PRKN: variants seen among roughly 807,000 people sequenced by gnomAD.
PRKN encodes the protein E3 ubiquitin-protein ligase parkin.
PRKN carries 56 observed loss-of-function variants against 59.5 expected under a neutral mutation model. That is an observed-to-expected ratio of 0.94 (90% CI 0.76 to 1.18). PRKN has a LOEUF of 1.18. Ranked by LOEUF, PRKN falls within the 50% of genes most tolerant of loss-of-function variation. The pLI, the probability that PRKN is intolerant of heterozygous loss-of-function variation, is 0.00. For synonymous variants in PRKN, 250 were observed against 222.1 expected (o/e 1.13, Z -1.12); for missense variants, 657 against 596.4 (o/e 1.10, Z -1.06).
At chr6:162,409,580 T>C (rs991207556) in intron 2 of PRKN, among the ~76,000 whole-genome samples, 2 of 152,160 alleles carry the variant, frequency 1.3e-5, no homozygotes, top group Admixed American at 6.5e-5. Context: ...TATTAGCAAA[T>C]AGAATCATGA....
chr6:162,085,150 C>A (rs1036818511), intron 4 of PRKN, among the ~76,000 whole-genome samples: 1 of 148,714 alleles, frequency 6.7e-6, no homozygotes, highest in African/African-American at 2.5e-5. Flanking sequence ...ATGGGACATA[C>A]GAGATAGGCT....
intron 1 of PRKN, among the ~76,000 whole-genome samples, chr6:162,547,396 TATTTTACA>T (rs1252634221): frequency 3.3e-5 from 5 of 152,148 alleles, no homozygotes; most frequent in Non-Finnish European, 7.3e-5. Context: ...AAAATAACAA[TATTTTACA>T]TCCATATAGT....
At chr6:161,774,219 T>C (rs976492872) in intron 7 of PRKN, among the ~76,000 whole-genome samples, 4 of 152,120 alleles carry the variant, frequency 2.6e-5, no homozygotes, top group Non-Finnish European at 5.9e-5. Flanking sequence ...GTTGTTCCTG[T>C]TGCAAGCAGG....
At chr6:161,800,109 C>T (rs1317232918) in intron 6 of PRKN, among the ~76,000 whole-genome samples, 3 of 152,078 alleles carry the variant, frequency 2.0e-5, no homozygotes, top group African/African-American at 4.8e-5. Flanking sequence ...TTTAAAAAAT[C>T]ACTCTAACTT....
intron 1 of PRKN, among the ~76,000 whole-genome samples, chr6:162,705,136 A>G (rs1226830803): frequency 6.6e-6 from 1 of 152,188 alleles, no homozygotes; most frequent in East Asian, 1.9e-4. Context: ...ACTTTCCAAT[A>G]TCTATGATGG....
chr6:162,633,732 A>G (rs1420591703), intron 1 of PRKN, among the ~76,000 whole-genome samples: 4 of 151,962 alleles, frequency 2.6e-5, no homozygotes, highest in Non-Finnish European at 4.4e-5. Context: ...GGATGACAGA[A>G]TAACATGAGG....
At chr6:162,492,641 T>TA (rs1376149098) in intron 1 of PRKN, among the ~76,000 whole-genome samples, 3 of 151,224 alleles carry the variant, frequency 2.0e-5, no homozygotes. Context: ...CCCTCTCTAC[T>TA]AAAAAATACA....
intron 1 of PRKN, among the ~76,000 whole-genome samples, chr6:162,546,360 C>G (rs1200686034): frequency 4.6e-5 from 7 of 152,012 alleles, no homozygotes; most frequent in Non-Finnish European, 1.0e-4. Context: ...GCCTCGGTCT[C>G]CCAAAGTGCT....
At chr6:162,450,328 CGCCCCTGTG>C (rs1583592164) in intron 1 of PRKN, among the ~76,000 whole-genome samples, 12 of 95,630 alleles carry the variant, frequency 1.3e-4, no homozygotes, top group Middle Eastern at 5.7e-3. Context: ...TGAATGTAAA[CGCCCCTGTG>C]ATTGTAATCC....
At chr6:162,248,483 G>C (rs1421237486) in intron 3 of PRKN, among the ~76,000 whole-genome samples, 1 of 152,044 alleles carries the variant, frequency 6.6e-6, no homozygotes, top group Non-Finnish European at 1.5e-5. Flanking sequence ...ACAGGCCTGG[G>C]GTTGTATCTT....
In PRKN at chr6:161,453,115, C is replaced by T. The variant is rs117153519; in HGVS notation, c.1084-66238G>A. Among the ~76,000 whole-genome samples, 902 of 152,230 alleles carry T rather than the reference C, an allele frequency of 5.9e-3. 7 individuals carry two copies. The highest frequency in any genetic ancestry group is 0.01 in the Non-Finnish European group (682 of 68,030). Reference sequence around the variant, plus strand: ...TGCAAATTCTAAGGCCATTCATTCCCACAATCTATTTGATGAAAGTTTTTA... The same window carrying T: ...TGCAAATTCTAAGGCCATTCATTCCTACAATCTATTTGATGAAAGTTTTTA... On this transcript the variant is annotated intron_variant, in intron 9 of 11. Transcript: ENST00000366898.
At chr6:162,568,791 C>A in intron 1 of PRKN, 1 of 738,932 alleles carries the variant, frequency 1.4e-6, no homozygotes, top group Non-Finnish European at 2.5e-6. Flanking sequence ...GAAGCTGAAG[C>A]TAGAGGCAGA....
chr6:161,937,252 G>A (rs917663102), intron 6 of PRKN, among the ~76,000 whole-genome samples: 2 of 152,226 alleles, frequency 1.3e-5, no homozygotes, highest in African/African-American at 4.8e-5. Flanking sequence ...CAGAGATTAT[G>A]TTGAGAAATA....
rs1554298085 is a variant in PRKN at position 161,730,202 on chromosome 6, C to CTGA, written c.871+55569_871+55570insTCA. On this transcript the variant is annotated intron_variant, in intron 7 of 11. Coordinates refer to ENST00000366898, the MANE Select transcript of PRKN (RefSeq NM_004562.3). Reference sequence around the variant, plus strand: ...TGCATTCTGATGTGTTGCATTCTTTCTGTGTTGCATTCTGATGTGTTGCAT... The same window carrying CTGA: ...TGCATTCTGATGTGTTGCATTCTTTCTGATGTGTTGCATTCTGATGTGTTGCAT... 4.8e-5 allele frequency among the ~76,000 whole-genome samples: 7 copies of CTGA among 145,344 alleles called. No individual in the cohort carries two copies. The South Asian group carries it at 1.3e-3, about 27-fold the overall frequency.
At chr6:162,480,733 A>C (rs1346062193) in intron 1 of PRKN, among the ~76,000 whole-genome samples, 3 of 152,158 alleles carry the variant, frequency 2.0e-5, no homozygotes, top group Admixed American at 1.3e-4. Context: ...GAGGCCACCA[A>C]GTCATAAAGA....
chr6:162,099,227 A>G (rs1779868332), intron 4 of PRKN, among the ~76,000 whole-genome samples: 1 of 152,214 alleles, frequency 6.6e-6, no homozygotes, highest in Non-Finnish European at 1.5e-5. Flanking sequence ...CTTGGGATTA[A>G]GAGCTCTCTG....
chr6:162,126,312 AAC>A (rs1402583539), intron 4 of PRKN, among the ~76,000 whole-genome samples: 1 of 152,166 alleles, frequency 6.6e-6, no homozygotes, highest in African/African-American at 2.4e-5. Context: ...GTCATTTCTG[AAC>A]TCATGAAATA....
At chr6:162,375,988 C>G (rs1562712606) in intron 2 of PRKN, among the ~76,000 whole-genome samples, 1 of 152,126 alleles carries the variant, frequency 6.6e-6, no homozygotes, top group Non-Finnish European at 1.5e-5. Flanking sequence ...TCACCATCCT[C>G]CCTGGGAAGC....
intron 7 of PRKN, among the ~76,000 whole-genome samples, chr6:161,732,485 T>TGTGTGTGTGTGTGTGTGTGTG (rs113804410): frequency 3.4e-5 from 5 of 146,418 alleles, no homozygotes; most frequent in African/African-American, 1.3e-4. Flanking sequence ...TTTTTTTTTT[T>TGTGTGTGTGTGTGTGTGTGTG]TGTGTGTGTG....
Sources: allele counts gnomAD v4.1 joint callset (sites outside exome capture counted in the v4.1 genomes callset), GRCh38; gene constraint gnomAD v4.1.1; transcripts MANE v1.5; gene names NCBI Gene and HGNC (gene_info 2026-07-23, HGNC 2026-07-21).